Variants in SGCZ observed in about 807,000 individuals in gnomAD.
The protein encoded by SGCZ is sarcoglycan zeta.
SGCZ carries 40 observed loss-of-function variants against 41.3 expected under a neutral mutation model. The observed-to-expected ratio is 0.97, with a 90% CI of 0.75 to 1.26. The LOEUF (loss-of-function observed/expected upper bound fraction) is 1.26, where lower values mean the gene tolerates loss of function less well. Among genes scored for constraint, SGCZ ranks in the 50% most tolerant of loss-of-function variants. SGCZ has a pLI of 0.00. For missense variants in SGCZ, 552 were observed against 369.8 expected (o/e 1.49, Z -4.04); for synonymous variants, 206 against 137.5 (o/e 1.50, Z -3.49).
At chr8:14,529,930 A>C (rs1355150928) in intron 2 of SGCZ, among the ~76,000 whole-genome samples, 1 of 152,144 alleles carries the variant, frequency 6.6e-6, no homozygotes, top group East Asian at 1.9e-4. Flanking sequence ...TGAGTTTATC[A>C]GGCATTGCAA....
At chr8:14,664,194 T>G (rs1807836901) in intron 1 of SGCZ, among the ~76,000 whole-genome samples, 1 of 152,256 alleles carries the variant, frequency 6.6e-6, no homozygotes, top group Non-Finnish European at 1.5e-5. Context: ...AAATAGGATT[T>G]GAACTTAGAA....
intron 1 of SGCZ, among the ~76,000 whole-genome samples, chr8:14,606,355 A>C (rs760805898): frequency 4.7e-4 from 72 of 152,138 alleles, no homozygotes; most frequent in Non-Finnish European, 9.1e-4. Flanking sequence ...CAATACCACA[A>C]GTTCTAGCCA....
intron 1 of SGCZ, among the ~76,000 whole-genome samples, chr8:15,064,874 C>T (rs146351048): frequency 1.3e-5 from 2 of 152,042 alleles, no homozygotes; most frequent in Non-Finnish European, 2.9e-5. Context: ...TAGACCAAAC[C>T]CCTGGCGTTT....
At chr8:14,740,587 A>T (rs111802781) in intron 1 of SGCZ, among the ~76,000 whole-genome samples, 95 of 152,162 alleles carry the variant, frequency 6.2e-4, no homozygotes, top group African/African-American at 2.1e-3. Flanking sequence ...GTGGAACTGC[A>T]CTAATTAAGA....
At chr8:14,703,337 G>C (rs1809229113) in intron 1 of SGCZ, among the ~76,000 whole-genome samples, 1 of 151,842 alleles carries the variant, frequency 6.6e-6, no homozygotes, top group Non-Finnish European at 1.5e-5. Context: ...TTTTGCCTCA[G>C]GGTGTGTGTT....
intron 1 of SGCZ, among the ~76,000 whole-genome samples, chr8:15,030,049 G>A (rs1023374055): frequency 6.6e-6 from 1 of 152,146 alleles, no homozygotes; most frequent in Admixed American, 6.5e-5. Context: ...GCTGTTGTCA[G>A]AAAGCTAGCA....
intron 5 of SGCZ, among the ~76,000 whole-genome samples, chr8:14,111,356 A>C (rs1432285162): frequency 2.0e-5 from 3 of 152,166 alleles, no homozygotes; most frequent in Non-Finnish European, 4.4e-5. Flanking sequence ...TGTTTGGTAC[A>C]TAAGGACAGA....
intron 2 of SGCZ, among the ~76,000 whole-genome samples, chr8:14,481,020 AAAAT>A (rs1291245807): frequency 6.6e-6 from 1 of 152,082 alleles, no homozygotes; most frequent in Non-Finnish European, 1.5e-5. Flanking sequence ...TGCTCTCAGA[AAAAT>A]AAAAAGGCTT....
chr8:14,903,471 A>G (rs1435168958), intron 1 of SGCZ, among the ~76,000 whole-genome samples: 1 of 152,126 alleles, frequency 6.6e-6, no homozygotes, highest in Non-Finnish European at 1.5e-5. Context: ...AGTAAATGCA[A>G]ATGGGTTATC....
In SGCZ at chr8:14,920,700, A is replaced by G. The variant is rs1012230278; in HGVS notation, c.39+316885T>C. Among the ~76,000 whole-genome samples, 3 of 152,152 alleles carry G rather than the reference A, an allele frequency of 2.0e-5. No homozygotes were observed. The East Asian group carries it at 5.8e-4, about 29-fold the overall frequency. ...TACGAGAGATTTAAAAATATTATAG[A>G]CTTTCCCTAAAACTGTAACAGGAAT... On this transcript the variant is annotated intron_variant, in intron 1 of 7. Coordinates refer to ENST00000382080, the MANE Select transcript of SGCZ (RefSeq NM_139167.4).
At chr8:15,075,509 C>G (rs1242835408) in intron 1 of SGCZ, among the ~76,000 whole-genome samples, 1 of 152,024 alleles carries the variant, frequency 6.6e-6, no homozygotes, top group Non-Finnish European at 1.5e-5. Context: ...TGGTTCCAGC[C>G]TAACACCCTC....
intron 4 of SGCZ, among the ~76,000 whole-genome samples, chr8:14,169,723 A>G (rs780451882): frequency 4.6e-5 from 7 of 152,230 alleles, no homozygotes; most frequent in Non-Finnish European, 1.0e-4. Context: ...TGATTCAAGC[A>G]TAAGCAGTTG....
rs775055070 is a variant in SGCZ, at chr8:14,108,124, G to A, written c.620+39C>T. On this transcript the variant is annotated intron_variant, in intron 6 of 7. Coordinates refer to ENST00000382080, the MANE Select transcript of SGCZ (RefSeq NM_139167.4). ...TCATATATTAAGGATTATCAACAAT[G>A]ATGGATTTTATGCCACAGGTATAAG... The A allele has an allele frequency of 2.5e-6, 4 of 1,578,914 alleles. No homozygotes were observed. In the Admixed American group the frequency reaches 6.7e-5, roughly 27 times the overall value.
chr8:14,408,760 A>G (rs985171408), intron 2 of SGCZ, among the ~76,000 whole-genome samples: 8 of 152,108 alleles, frequency 5.3e-5, no homozygotes, highest in African/African-American at 1.9e-4. Context: ...AATTTTCTAA[A>G]TCCCTACATA....
intron 1 of SGCZ, among the ~76,000 whole-genome samples, chr8:14,717,522 G>A (rs951063858): frequency 1.3e-5 from 2 of 152,110 alleles, no homozygotes; most frequent in African/African-American, 4.8e-5. Context: ...CTCAAGGAGA[G>A]GAGAGTTCTG....
At chr8:14,309,087 C>T (rs1801439411) in intron 3 of SGCZ, 4 of 1,434,486 alleles carry the variant, frequency 2.8e-6, no homozygotes, top group Non-Finnish European at 3.9e-6. Context: ...AAAACGGAAT[C>T]TCATCAGGAG....
intron 1 of SGCZ, among the ~76,000 whole-genome samples, chr8:14,655,971 T>C (rs185041178): frequency 2.2e-4 from 33 of 152,218 alleles, no homozygotes; most frequent in African/African-American, 7.5e-4. Context: ...ATCCATCGTC[T>C]GGATGTAGCA....
intron 1 of SGCZ, among the ~76,000 whole-genome samples, chr8:14,789,558 C>T (rs1800881993): frequency 6.6e-6 from 1 of 152,104 alleles, no homozygotes; most frequent in Admixed American, 6.6e-5. Context: ...ACTTACAAGG[C>T]TCTTCATGCT....
chr8:14,296,609 G>A (rs1801020761), intron 3 of SGCZ, among the ~76,000 whole-genome samples: 1 of 152,052 alleles, frequency 6.6e-6, no homozygotes, highest in Non-Finnish European at 1.5e-5. Flanking sequence ...CTATTGGAAG[G>A]TTCGTAAAAT....
Sources: gnomAD v4.1 joint callset for allele counts (sites outside exome capture counted in the v4.1 genomes callset) on GRCh38, gnomAD v4.1.1 for gene constraint, MANE v1.5 for transcripts, NCBI Gene and HGNC (gene_info 2026-07-23, HGNC 2026-07-21) for gene names.